FGF12: variants seen among roughly 807,000 people sequenced by gnomAD.
The protein encoded by FGF12 is fibroblast growth factor 12B.
Under a neutral mutation model 23.6 loss-of-function variants are expected in FGF12, and 14 were observed. The ratio of observed to expected loss-of-function variants is 0.59; its 90% CI spans 0.39 to 0.93. The LOEUF (loss-of-function observed/expected upper bound fraction) is 0.93, where lower values mean the gene tolerates loss of function less well. Ranked by LOEUF, FGF12 falls within the 40% of genes least tolerant of loss-of-function variation. The pLI is 0.00. For synonymous variants in FGF12, 62 were observed against 77.3 expected (o/e 0.80, Z 1.04); for missense variants, 175 against 217.8 (o/e 0.80, Z 1.24).
intron 2 of FGF12, among the ~76,000 whole-genome samples, chr3:192,598,570 A>G (rs1713963419): frequency 6.6e-6 from 1 of 152,216 alleles, no homozygotes; most frequent in Non-Finnish European, 1.5e-5. Context: ...TCTCAAACAC[A>G]CATATCTCAT....
intron 3 of FGF12, among the ~76,000 whole-genome samples, chr3:192,357,240 T>TC (rs1718512609): frequency 1.3e-5 from 2 of 152,098 alleles, no homozygotes; most frequent in Admixed American, 6.5e-5. Context: ...TCCCAGCACT[T>TC]TGGGAGGCCG....
intron 4 of FGF12, among the ~76,000 whole-genome samples, chr3:192,217,300 T>TTTG (rs1261008502): frequency 6.6e-6 from 1 of 152,218 alleles, no homozygotes; most frequent in Non-Finnish European, 1.5e-5. Context: ...TGCTGTTGTT[T>TTTG]TTGTTGTTGT....
intron 5 of FGF12, among the ~76,000 whole-genome samples, chr3:192,156,015 C>T (rs1262445545): frequency 1.3e-5 from 2 of 152,154 alleles, no homozygotes; most frequent in African/African-American, 2.4e-5. Flanking sequence ...AATATTATTT[C>T]ACCAGGAATA....
At chr3:192,275,733 T>G (rs1713743708) in intron 4 of FGF12, among the ~76,000 whole-genome samples, 1 of 152,134 alleles carries the variant, frequency 6.6e-6, no homozygotes, top group African/African-American at 2.4e-5. Context: ...CAACTAGAAA[T>G]GTACTTTGGG....
chr3:192,583,397 C>T (rs1299959835), intron 2 of FGF12, among the ~76,000 whole-genome samples: 1 of 152,188 alleles, frequency 6.6e-6, no homozygotes, highest in Non-Finnish European at 1.5e-5. Flanking sequence ...AGAGAAAATA[C>T]TGTTACCGGT....
intron 2 of FGF12, among the ~76,000 whole-genome samples, chr3:192,492,972 T>A (rs1377866472): frequency 6.6e-6 from 1 of 150,968 alleles, no homozygotes; most frequent in African/African-American, 2.4e-5. Flanking sequence ...TTTTTTTTTT[T>A]TTTTTTTAGA....
rs1231048047 is a variant in FGF12 at position 192,674,076 on chromosome 3, T to A, written c.13+53105A>T. On this transcript the variant is annotated intron_variant, in intron 2 of 5. Coordinates refer to ENST00000445105, the MANE Select transcript of FGF12 (RefSeq NM_004113.6). ...ATTGAGTGATTCCTCCTACATCCAA[T>A]GTTGCAACTCAAGGAATTTACATTC... Among the ~76,000 whole-genome samples, 3 of 151,088 alleles carry A rather than the reference T, an allele frequency of 2.0e-5. 1 individual carries two copies. Among genetic ancestry groups the A allele is most frequent in the Non-Finnish European group, 4.4e-5 (3 of 67,486 alleles).
intron 4 of FGF12, among the ~76,000 whole-genome samples, chr3:192,321,794 G>T (rs1237019934): frequency 6.6e-6 from 1 of 151,960 alleles, no homozygotes; most frequent in African/African-American, 2.4e-5. Context: ...CCCTAAAAAT[G>T]ATGGGTATAG....
intron 4 of FGF12, among the ~76,000 whole-genome samples, chr3:192,292,662 CT>C (rs1343233119): frequency 6.6e-6 from 1 of 152,154 alleles, no homozygotes; most frequent in East Asian, 1.9e-4. Context: ...AATTTTCTGG[CT>C]TGTAAAGTCA....
intron 4 of FGF12, among the ~76,000 whole-genome samples, chr3:192,199,495 G>A (rs943346247): frequency 6.6e-6 from 1 of 152,176 alleles, no homozygotes; most frequent in African/African-American, 2.4e-5. Context: ...GTAGCTTAGT[G>A]AAGCCAGCTA....
intron 2 of FGF12, among the ~76,000 whole-genome samples, chr3:192,720,169 A>G (rs1718995840): frequency 6.6e-6 from 1 of 152,268 alleles, no homozygotes; most frequent in African/African-American, 2.4e-5. Flanking sequence ...AGAAAGAAAC[A>G]AAAACCTAAC....
chr3:192,598,670 G>C (rs894198182), intron 2 of FGF12, among the ~76,000 whole-genome samples: 2 of 152,206 alleles, frequency 1.3e-5, no homozygotes, highest in Non-Finnish European at 2.9e-5. Flanking sequence ...TCTAAGAAAA[G>C]TCAGGTGATA....
Position 192,360,405 on chromosome 3 carries a change from T to C in FGF12, c.124+23A>G. On this transcript the variant is annotated intron_variant, in intron 3 of 5. Transcript: ENST00000445105. This position sits in a 1 kb window ranked among gnomAD's most constrained non-coding sequence, Gnocchi z 4.3. ...CCCTACATTTGATTTGTAATCAGAT[T>C]GTAAGAAGCTAATGTTTCTTACTGT... 1 of 1,472,494 alleles carries C rather than the reference T, an allele frequency of 6.8e-7. No homozygotes were observed. 91.2% of individuals were successfully genotyped at this position (1,472,494 alleles called of 1,614,324 possible).
At position 192,281,170 on chromosome 3, in the gene FGF12, T is replaced by C. The variant is rs545309588; in HGVS notation, c.228+54191A>G. On this transcript the variant is annotated intron_variant, in intron 4 of 5. Transcript: ENST00000445105. ...ATCTCACAGTTCTGAAGGCCAGAAT[T>C]CTAAAACCAAAACGTCAGCAAGGCC... 2.1e-4 allele frequency among the ~76,000 whole-genome samples: 32 copies of C among 152,284 alleles called. No individual in the cohort carries two copies. The East Asian group carries it at 5.6e-3, about 27-fold the overall frequency.
chr3:192,479,964 A>C (rs1264575061), intron 2 of FGF12, among the ~76,000 whole-genome samples: 1 of 151,988 alleles, frequency 6.6e-6, no homozygotes, highest in African/African-American at 2.4e-5. Flanking sequence ...CCTGGGTTTG[A>C]AAGACAAAAT....
chr3:192,273,887 G>A (rs2049505), intron 4 of FGF12, among the ~76,000 whole-genome samples: 8,835 of 149,006 alleles, frequency 0.059, 278 homozygotes, highest in South Asian at 0.083. Flanking sequence ...TGAGTCTTCA[G>A]GATGTTAAGT....
At position 192,143,917 on chromosome 3, in the gene FGF12, T is replaced by A; in HGVS notation, c.*92A>T. ...GTCTTGCGTTGTCATTTTATTTTCC[T>A]CTCCTTGGGTGGATTTACTGGAAGG... On this transcript the variant is annotated 3_prime_UTR_variant, in exon 6 of 6. Transcript: ENST00000445105. 2.5e-6 allele frequency: 2 copies of A among 799,112 alleles called. No individual in the cohort carries two copies. The highest frequency in any genetic ancestry group is 5.1e-5 in the East Asian group (2 of 39,474). The allele number at this position is 799,112 out of a possible 1,614,324, so 49.5% of individuals were successfully genotyped here. A position where few individuals can be genotyped will look rare whatever the true frequency, so the allele number is the denominator to read the frequency against.
At chr3:192,278,981 G>C (rs1430292701) in intron 4 of FGF12, among the ~76,000 whole-genome samples, 1 of 151,162 alleles carries the variant, frequency 6.6e-6, no homozygotes, top group African/African-American at 2.4e-5. Flanking sequence ...GTCACAGTTA[G>C]GGCCTGATTG....
chr3:192,359,401 T>C (rs1456258670), intron 3 of FGF12, among the ~76,000 whole-genome samples: 1 of 152,194 alleles, frequency 6.6e-6, no homozygotes, highest in Non-Finnish European at 1.5e-5. Context: ...TGCAGTTTGG[T>C]AGATTATCAG....
Sources: gnomAD v4.1 joint callset for allele counts (sites outside exome capture counted in the v4.1 genomes callset) on GRCh38, gnomAD v4.1.1 for gene constraint, Gnocchi (gnomAD v3.1) non-coding constraint, MANE v1.5 for transcripts, NCBI Gene and HGNC (gene_info 2026-07-23, HGNC 2026-07-21) for gene names.